The following LRRC7 variants were observed in gnomAD, a reference collection of about 807,000 sequenced individuals.
LRRC7 encodes the protein leucine rich repeat containing 7.
In LRRC7, 23 loss-of-function variants were observed where a neutral mutation model predicts 175.7. The ratio of observed to expected loss-of-function variants is 0.13; its 90% CI spans 0.09 to 0.19. The LOEUF (loss-of-function observed/expected upper bound fraction) is 0.19, where lower values mean the gene tolerates loss of function less well. LRRC7 is among the 10% of genes least tolerant of loss of function. The pLI is 1.00. For missense variants in LRRC7, 1,354 were observed against 1,904.7 expected (o/e 0.71, Z 5.38); for synonymous variants, 685 against 680.9 (o/e 1.01, Z -0.09).
intron 14 of LRRC7, among the ~76,000 whole-genome samples, chr1:70,018,156 G>T (rs1222650798): frequency 2.0e-5 from 3 of 151,942 alleles, no homozygotes; most frequent in Admixed American, 1.3e-4. Context: ...GAATATTTCT[G>T]AAATCAAACT....
chr1:70,001,599 C>T lies in LRRC7; in HGVS notation c.1004+6966C>T, dbSNP rs576374414. On this transcript the variant is annotated intron_variant, in intron 11 of 26. Coordinates refer to ENST00000651989, the MANE Select transcript of LRRC7 (RefSeq NM_001370785.2). ...AAATGTAAAGACCAGACGCAGTGAC[C>T]GAAAATATTCTTATTCTGCACACGG... Among the ~76,000 whole-genome samples the T allele has an allele frequency of 3.9e-5, 6 of 152,142 alleles. No homozygotes were observed. In the East Asian group the frequency reaches 9.7e-4, roughly 24 times the overall value.
At chr1:69,787,373 G>A (rs1674570988) in intron 3 of LRRC7, among the ~76,000 whole-genome samples, 2 of 152,174 alleles carry the variant, frequency 1.3e-5, no homozygotes, top group Admixed American at 1.3e-4. Flanking sequence ...TCCACTAGGG[G>A]GTGCCCAAGG....
intron 1 of LRRC7, among the ~76,000 whole-genome samples, chr1:69,601,234 T>C (rs1033795918): frequency 2.0e-5 from 3 of 152,194 alleles, no homozygotes; most frequent in African/African-American, 7.2e-5. Flanking sequence ...AGGAAATATA[T>C]GTGTGTATAC....
rs377074944 is a variant in LRRC7 at position 70,011,848 on chromosome 1, A to G, written c.1056A>G (p.Leu352=). The G allele has an allele frequency of 4.4e-6, 7 of 1,584,086 alleles. No homozygotes were observed. The African/African-American group carries it at 5.4e-5, about 12-fold the overall frequency. The change falls in exon 12 of 27, where the codon CTA becomes CTG. Residue 352 remains leucine (L), a synonymous_variant. Transcript: ENST00000651989. Reference sequence around the variant, plus strand: ...GTAGCTGTAATGAACTGGAGTCACTACCTTCTACTATTGGCTACCTTCATA... The same window carrying G: ...GTAGCTGTAATGAACTGGAGTCACTGCCTTCTACTATTGGCTACCTTCATA... ...FDCSCNELES[L]PSTIGYLHSL... is the part of the protein sequence containing the mutation.
chr1:70,058,547 A>T (rs4650021), intron 23 of LRRC7, among the ~76,000 whole-genome samples: 3,937 of 152,336 alleles, frequency 0.026, 116 homozygotes, highest in African/African-American at 0.071. Flanking sequence ...CTATCGGATT[A>T]TGCCACAGTC....
In LRRC7 at chr1:69,827,163, T is replaced by C. The variant is rs562029075; in HGVS notation, c.500+1337T>C. ...CAATTTTTTCAACATCTCAGTGAAATAGATGTTACTAATTTCTCCCACCAG... is the reference window on the plus strand; with the variant it reads ...CAATTTTTTCAACATCTCAGTGAAACAGATGTTACTAATTTCTCCCACCAG... On this transcript the variant is annotated intron_variant, in intron 5 of 26. Coordinates refer to ENST00000651989, the MANE Select transcript of LRRC7 (RefSeq NM_001370785.2). Among the ~76,000 whole-genome samples, 5 of 152,296 alleles carry C rather than the reference T, an allele frequency of 3.3e-5. No individual in the cohort carries two copies. The South Asian group carries it at 1.0e-3, about 32-fold the overall frequency.
chr1:69,974,894 A>T (rs1490095471), intron 8 of LRRC7, among the ~76,000 whole-genome samples: 1 of 152,192 alleles, frequency 6.6e-6, no homozygotes, highest in South Asian at 2.1e-4. Context: ...AAGCTCTAAG[A>T]TGATGTCATC....
At chr1:69,892,583 C>A (rs1458845016) in intron 7 of LRRC7, among the ~76,000 whole-genome samples, 1 of 152,144 alleles carries the variant, frequency 6.6e-6, no homozygotes, top group Admixed American at 6.5e-5. Context: ...TCTAACAAAA[C>A]AGTAAGCCAG....
intron 7 of LRRC7, among the ~76,000 whole-genome samples, chr1:69,928,413 G>A (rs1180298935): frequency 6.6e-6 from 1 of 152,226 alleles, no homozygotes; most frequent in Non-Finnish European, 1.5e-5. Flanking sequence ...CCCAGCGGTG[G>A]AGCCTACAGA....
At chr1:69,725,145 G>C (rs573827105) in intron 2 of LRRC7, among the ~76,000 whole-genome samples, 13 of 152,016 alleles carry the variant, frequency 8.6e-5, no homozygotes, top group South Asian at 2.1e-4. Context: ...CCAGAAAAAA[G>C]ACAATGTTAT....
At chr1:69,671,614 T>C (rs949429127) in intron 1 of LRRC7, among the ~76,000 whole-genome samples, 20 of 152,160 alleles carry the variant, frequency 1.3e-4, no homozygotes, top group African/African-American at 4.6e-4. Context: ...GCCTTTCAAG[T>C]TTACTTATGG....
intron 8 of LRRC7, among the ~76,000 whole-genome samples, chr1:69,941,500 G>C (rs1275618620): frequency 6.6e-6 from 1 of 151,978 alleles, no homozygotes; most frequent in Non-Finnish European, 1.5e-5. Context: ...AGTAGCAATG[G>C]AGGTGGTAAG....
At chr1:69,968,806 G>GT (rs1241884592) in intron 8 of LRRC7, among the ~76,000 whole-genome samples, 1 of 150,926 alleles carries the variant, frequency 6.6e-6, no homozygotes, top group Non-Finnish European at 1.5e-5. Flanking sequence ...GGGTTTTTTT[G>GT]TTTTTTGTTT....
intron 7 of LRRC7, among the ~76,000 whole-genome samples, chr1:69,842,466 G>A (rs570677688): frequency 1.9e-4 from 29 of 152,202 alleles, no homozygotes; most frequent in Middle Eastern, 6.8e-3. Flanking sequence ...CATAAATTAA[G>A]GTAACATGAA....
At chr1:69,672,599 G>T (rs1284514314) in intron 1 of LRRC7, among the ~76,000 whole-genome samples, 2 of 152,158 alleles carry the variant, frequency 1.3e-5, no homozygotes, top group African/African-American at 4.8e-5. Context: ...AGGCATTTGA[G>T]AATATTTATA....
intron 2 of LRRC7, among the ~76,000 whole-genome samples, chr1:69,693,480 A>T (rs1570386000): frequency 6.6e-6 from 1 of 152,166 alleles, no homozygotes; most frequent in African/African-American, 2.4e-5. Flanking sequence ...CCTAGGGAGG[A>T]GTTGACATTG....
At chr1:70,106,137 TA>T (rs576145127) in intron 25 of LRRC7, among the ~76,000 whole-genome samples, 1 of 152,180 alleles carries the variant, frequency 6.6e-6, no homozygotes, top group South Asian at 2.1e-4. Context: ...TGCTTAGGAA[TA>T]AAAAACTATT....
chr1:69,927,289 G>T (rs1228789245), intron 7 of LRRC7, among the ~76,000 whole-genome samples: 2 of 152,076 alleles, frequency 1.3e-5, no homozygotes, highest in Non-Finnish European at 2.9e-5. Flanking sequence ...ATGTTTCTTG[G>T]AGTTGCTCTT....
At chr1:69,644,847 C>T (rs971740725) in intron 1 of LRRC7, among the ~76,000 whole-genome samples, 2 of 151,858 alleles carry the variant, frequency 1.3e-5, no homozygotes, top group African/African-American at 4.8e-5. Context: ...TTTTATTCAC[C>T]ATATTAACAG....
Sources: allele counts gnomAD v4.1 joint callset (sites outside exome capture counted in the v4.1 genomes callset), GRCh38; gene constraint gnomAD v4.1.1; transcripts MANE v1.5; gene names NCBI Gene and HGNC (gene_info 2026-07-23, HGNC 2026-07-21).